The following DGKB variants were observed in gnomAD, a reference collection of about 807,000 sequenced individuals.
The protein encoded by DGKB is diacylglycerol kinase beta.
A neutral mutation model predicts 114.3 loss-of-function variants in DGKB; 67 were observed. That is an observed-to-expected ratio of 0.59 (90% CI 0.48 to 0.72). The LOEUF (loss-of-function observed/expected upper bound fraction) is 0.72, where lower values mean the gene tolerates loss of function less well. DGKB is among the 30% of genes least tolerant of loss of function. DGKB has a pLI of 0.00. For synonymous variants in DGKB, 398 were observed against 323.1 expected (o/e 1.23, Z -2.49); for missense variants, 907 against 975.2 (o/e 0.93, Z 0.93).
chr7:14,502,091 G>A lies in DGKB; in HGVS notation c.1771-23866C>T, dbSNP rs558116392. Among the ~76,000 whole-genome samples the A allele has an allele frequency of 4.3e-4, 66 of 152,028 alleles. 1 individual carries two copies. The highest frequency in any genetic ancestry group is 2.1e-3 in the South Asian group (10 of 4,822). ...CACATGTCATACCCCAGTGAAAGAGGAAGTCTATTTATCTTAATGTCTTGG... is the reference window on the plus strand; with the variant it reads ...CACATGTCATACCCCAGTGAAAGAGAAAGTCTATTTATCTTAATGTCTTGG... On this transcript the variant is annotated intron_variant, in intron 20 of 25. Transcript: ENST00000402815.
intron 21 of DGKB, among the ~76,000 whole-genome samples, chr7:14,400,114 T>G (rs1822865702): frequency 6.6e-6 from 1 of 151,900 alleles, no homozygotes; most frequent in South Asian, 2.1e-4. Flanking sequence ...ATAAATCTCT[T>G]CAATTAAATT....
At chr7:14,241,502 G>A (rs960406031) in intron 23 of DGKB, among the ~76,000 whole-genome samples, 6 of 152,004 alleles carry the variant, frequency 3.9e-5, no homozygotes, top group African/African-American at 7.2e-5. Flanking sequence ...GCATACATAC[G>A]TCAGGAAATT....
chr7:14,785,306 G>T (rs899458299), intron 2 of DGKB, among the ~76,000 whole-genome samples: 2 of 151,958 alleles, frequency 1.3e-5, no homozygotes, highest in Non-Finnish European at 2.9e-5. Context: ...ATAGAAAACG[G>T]CAGGCAAACT....
chr7:14,664,033 C>T (rs1332252808), intron 13 of DGKB, among the ~76,000 whole-genome samples: 1 of 151,806 alleles, frequency 6.6e-6, no homozygotes, highest in Non-Finnish European at 1.5e-5. Context: ...TAATAGTTCT[C>T]CTCTACCCTT....
intron 21 of DGKB, among the ~76,000 whole-genome samples, chr7:14,457,071 G>A (rs1183734160): frequency 6.6e-6 from 1 of 152,054 alleles, no homozygotes; most frequent in African/African-American, 2.4e-5. Flanking sequence ...GAGATAAGAA[G>A]CAAATATATT....
At chr7:14,388,270 A>G (rs1395968739) in intron 21 of DGKB, among the ~76,000 whole-genome samples, 2 of 150,884 alleles carry the variant, frequency 1.3e-5, no homozygotes, top group Non-Finnish European at 3.0e-5. Flanking sequence ...TGAAGCCAAA[A>G]AAAAAAAGTG....
intron 21 of DGKB, among the ~76,000 whole-genome samples, chr7:14,352,269 G>C (rs1033895559): frequency 6.6e-6 from 1 of 152,014 alleles, no homozygotes; most frequent in Admixed American, 6.6e-5. Context: ...GTAAGTGTAA[G>C]AAAAGGATGC....
At chr7:14,501,717 C>T (rs1012642815) in intron 20 of DGKB, among the ~76,000 whole-genome samples, 5 of 151,990 alleles carry the variant, frequency 3.3e-5, no homozygotes, top group East Asian at 1.9e-4. Context: ...CCTTACTTTT[C>T]GAATGGGAGT....
chr7:14,168,889 A>C (rs898291856), intron 25 of DGKB, among the ~76,000 whole-genome samples: 5 of 152,196 alleles, frequency 3.3e-5, no homozygotes, highest in African/African-American at 1.2e-4. Context: ...AAGAGATTTT[A>C]TTTTATTTTT....
At chr7:14,270,460 A>G (rs1455060673) in intron 23 of DGKB, among the ~76,000 whole-genome samples, 3 of 152,130 alleles carry the variant, frequency 2.0e-5, no homozygotes, top group Non-Finnish European at 4.4e-5. Context: ...CTATCAACCA[A>G]TCAGCTCTAG....
At chr7:14,853,156 G>C (rs1849632474) in intron 1 of DGKB, among the ~76,000 whole-genome samples, 2 of 151,916 alleles carry the variant, frequency 1.3e-5, no homozygotes, top group Non-Finnish European at 2.9e-5. Flanking sequence ...AGCACGCGAG[G>C]GACTTTTTTA....
intron 1 of DGKB, among the ~76,000 whole-genome samples, chr7:14,952,178 G>A (rs1562899219): frequency 6.6e-6 from 1 of 151,946 alleles, no homozygotes; most frequent in Non-Finnish European, 1.5e-5. Context: ...ACAATTTAAG[G>A]AACTACCGGG....
At chr7:14,972,532 A>G (rs1349987887) in intron 1 of DGKB, among the ~76,000 whole-genome samples, 1 of 152,132 alleles carries the variant, frequency 6.6e-6, no homozygotes, top group African/African-American at 2.4e-5. Context: ...AATTTAAAAC[A>G]TTAGATGAAG....
At chr7:14,598,873 A>C (rs1803046502) in intron 17 of DGKB, among the ~76,000 whole-genome samples, 1 of 152,158 alleles carries the variant, frequency 6.6e-6, no homozygotes, top group Non-Finnish European at 1.5e-5. Flanking sequence ...ATGATTTGTC[A>C]ATATCTCCAC....
intron 1 of DGKB, among the ~76,000 whole-genome samples, chr7:14,953,133 C>G (rs576925105): frequency 2.6e-5 from 4 of 151,950 alleles, no homozygotes; most frequent in Non-Finnish European, 5.9e-5. Context: ...GGTAAAATTT[C>G]TGACATTGGA....
intron 2 of DGKB, among the ~76,000 whole-genome samples, chr7:14,791,638 G>A (rs558287550): frequency 1.2e-4 from 18 of 152,050 alleles, no homozygotes; most frequent in Middle Eastern, 3.4e-3. Flanking sequence ...TTTACAAATG[G>A]GTGTTGGATT....
chr7:14,280,994 A>C (rs1457230928), intron 23 of DGKB, among the ~76,000 whole-genome samples: 1 of 151,728 alleles, frequency 6.6e-6, no homozygotes, highest in Non-Finnish European at 1.5e-5. Flanking sequence ...TGACAGCATC[A>C]AATTCACACA....
chr7:14,567,237 T>TA (rs1797584286), intron 20 of DGKB, among the ~76,000 whole-genome samples: 1 of 53,112 alleles, frequency 1.9e-5, no homozygotes, highest in African/African-American at 8.0e-5. Flanking sequence ...TATATAATTA[T>TA]ATTATATATA....
At chr7:14,592,125 T>C (rs898270320) in intron 17 of DGKB, among the ~76,000 whole-genome samples, 2 of 151,720 alleles carry the variant, frequency 1.3e-5, no homozygotes, top group African/African-American at 4.8e-5. Context: ...ATATTATAAA[T>C]CATAAAATAA....
Sources: gnomAD v4.1 joint callset for allele counts (sites outside exome capture counted in the v4.1 genomes callset) on GRCh38, gnomAD v4.1.1 for gene constraint, MANE v1.5 for transcripts, NCBI Gene and HGNC (gene_info 2026-07-23, HGNC 2026-07-21) for gene names.